Variants in SMIM8 observed in about 807,000 individuals in gnomAD.
The protein encoded by SMIM8 is UPF0708 protein C6orf162.
Under a neutral mutation model 8.1 loss-of-function variants are expected in SMIM8, and 8 were observed. That is an observed-to-expected ratio of 0.99 (90% confidence interval 0.58 to 1.78). SMIM8 has a LOEUF of 1.78. Ranked by LOEUF, SMIM8 falls within the 40% of genes most tolerant of loss-of-function variation. SMIM8 has a pLI of 0.00. For missense variants in SMIM8, 126 were observed against 119.8 expected (o/e 1.05, Z -0.24); for synonymous variants, 45 against 39.7 (o/e 1.13, Z -0.50).
At chr6:87,335,786 T>C (rs1243224573) in intron 2 of SMIM8, among the ~76,000 whole-genome samples, 1 of 149,610 alleles carries the variant, frequency 6.7e-6, no homozygotes, top group Non-Finnish European at 1.5e-5. Context: ...GAAGCAGGTT[T>C]GCTTTGTTGC....
chr6:87,335,282 C>A (rs1289334326), intron 2 of SMIM8, among the ~76,000 whole-genome samples: 2 of 152,140 alleles, frequency 1.3e-5, no homozygotes, highest in African/African-American at 2.4e-5. Context: ...TGTCTCAAAC[C>A]AGTTTAATTT....
intron 1 of SMIM8, among the ~76,000 whole-genome samples, chr6:87,327,456 A>G (rs910339020): frequency 1.3e-5 from 2 of 152,124 alleles, no homozygotes; most frequent in Non-Finnish European, 1.5e-5. Flanking sequence ...CCTGCTGGTC[A>G]CAAAATCTCT....
intron 1 of SMIM8, chr6:87,329,124 G>C (rs1316882725): frequency 6.5e-6 from 1 of 154,674 alleles, no homozygotes; most frequent in Non-Finnish European, 1.4e-5. Flanking sequence ...CACATGGTGC[G>C]CGCACCCACT....
chr6:87,333,018 G>C (rs934495287), intron 2 of SMIM8, among the ~76,000 whole-genome samples: 1 of 152,280 alleles, frequency 6.6e-6, no homozygotes, highest in South Asian at 2.1e-4. Flanking sequence ...TACTGAGGCT[G>C]GGCAATTTAT....
In SMIM8 at chr6:87,341,592, T is replaced by A. The variant is rs1777237294; in HGVS notation, c.*1318T>A. 1 of 306,628 alleles carries A rather than the reference T, an allele frequency of 3.3e-6. No individual in the cohort carries two copies. Among genetic ancestry groups the A allele is most frequent in the African/African-American group, 2.1e-5 (1 of 46,596 alleles). The allele number at this position is 306,628 out of a possible 1,614,324, so 19.0% of individuals were successfully genotyped here. A position where few individuals can be genotyped will look rare whatever the true frequency, so the allele number is the denominator to read the frequency against. On this transcript the variant is annotated 3_prime_UTR_variant, in exon 4 of 4. Transcript: ENST00000392863. ...CGCTATTAATATTACCAAGTAATAA[T>A]AACAGCACAGGCAGAGTTTATCATA... is the stretch of plus-strand genomic sequence containing the variant.
chr6:87,337,016 A>C lies in SMIM8; in HGVS notation c.-16A>C. On this transcript the variant is annotated 5_prime_UTR_variant, in exon 3 of 4. Coordinates refer to ENST00000392863, the MANE Select transcript of SMIM8 (RefSeq NM_001042493.3). ...ATATTATTTTGTTTTTAGATAATAA[A>C]TCATCATTGATCAAGATGTCTTCAG... 1 of 1,577,204 alleles carries C rather than the reference A, an allele frequency of 6.3e-7. No homozygotes were observed. The highest frequency in any genetic ancestry group is 8.6e-7 in the Non-Finnish European group (1 of 1,166,624).
rs550454950 is a variant in SMIM8, at chr6:87,341,784, A to G, written c.*1510A>G. 2 of 152,690 alleles carry G rather than the reference A, an allele frequency of 1.3e-5. No homozygotes were observed. The highest frequency in any genetic ancestry group is 1.9e-4 in the East Asian group (1 of 5,194). The allele number at this position is 152,690 out of a possible 1,614,324, so 9.5% of individuals were successfully genotyped here. Reference sequence around the variant, plus strand: ...ATATGTATTTGCTATGCCTGTCTGTATAATGTACTTCATATAGTTTAAAAT... The same window carrying G: ...ATATGTATTTGCTATGCCTGTCTGTGTAATGTACTTCATATAGTTTAAAAT... On this transcript the variant is annotated 3_prime_UTR_variant, in exon 4 of 4. Coordinates refer to ENST00000392863, the MANE Select transcript of SMIM8 (RefSeq NM_001042493.3).
At chr6:87,329,632 A>G (rs1445280216) in intron 1 of SMIM8, among the ~76,000 whole-genome samples, 4 of 152,238 alleles carry the variant, frequency 2.6e-5, no homozygotes, top group Admixed American at 2.6e-4. Context: ...CCTTAAAAAC[A>G]ACATATATAT....
intron 2 of SMIM8, among the ~76,000 whole-genome samples, chr6:87,335,096 G>C (rs1777078145): frequency 6.6e-6 from 1 of 152,194 alleles, no homozygotes; most frequent in Non-Finnish European, 1.5e-5. Flanking sequence ...AGCAACATGA[G>C]TAAGCCATTG....
At chr6:87,323,701 T>A (rs986464842) in intron 1 of SMIM8, among the ~76,000 whole-genome samples, 3 of 152,124 alleles carry the variant, frequency 2.0e-5, no homozygotes, top group African/African-American at 7.2e-5. Flanking sequence ...TGGTTCCAGG[T>A]CTTTGCTATT....
chr6:87,336,240 A>G (rs1777112064), intron 2 of SMIM8, among the ~76,000 whole-genome samples: 1 of 152,126 alleles, frequency 6.6e-6, no homozygotes, highest in Non-Finnish European at 1.5e-5. Context: ...ATTAGATGGC[A>G]GAGAGGATAA....
Position 87,340,449 on chromosome 6 carries a change from T to G in SMIM8, c.*175T>G. ...TTTGTCCTTTCACAGCTGCAGCCAT[T>G]ATCTCATTCTTTTTCCACAGAGTGA... On this transcript the variant is annotated 3_prime_UTR_variant, in exon 4 of 4. Coordinates refer to ENST00000392863, the MANE Select transcript of SMIM8 (RefSeq NM_001042493.3). The G allele has an allele frequency of 2.2e-6, 1 of 444,930 alleles. No individual in the cohort carries two copies. The highest frequency in any genetic ancestry group is 3.6e-6 in the Non-Finnish European group (1 of 274,106). The allele number at this position is 444,930 out of a possible 1,614,324, so 27.6% of individuals were successfully genotyped here. A position where few individuals can be genotyped will look rare whatever the true frequency, so the allele number is the denominator to read the frequency against.
At chr6:87,334,415 C>G (rs973538232) in intron 2 of SMIM8, among the ~76,000 whole-genome samples, 1 of 151,836 alleles carries the variant, frequency 6.6e-6, no homozygotes, top group Non-Finnish European at 1.5e-5. Context: ...ACAAAAATTG[C>G]TGGTTACAGC....
intron 1 of SMIM8, among the ~76,000 whole-genome samples, chr6:87,328,422 G>T (rs941221960): frequency 6.6e-6 from 1 of 152,020 alleles, no homozygotes; most frequent in Non-Finnish European, 1.5e-5. Flanking sequence ...ATGTACAGAT[G>T]GGTTTTTGGT....
chr6:87,337,015 A>C lies in SMIM8; in HGVS notation c.-17A>C, dbSNP rs760934633. 2.5e-6 allele frequency: 4 copies of C among 1,576,176 alleles called. No homozygotes were observed. Among genetic ancestry groups the C allele is most frequent in the Non-Finnish European group, 8.6e-7 (1 of 1,166,242 alleles). On this transcript the variant is annotated 5_prime_UTR_variant, in exon 3 of 4. Transcript: ENST00000392863. ...TATATTATTTTGTTTTTAGATAATA[A>C]ATCATCATTGATCAAGATGTCTTCA...
chr6:87,335,659 A>G (rs2127923761), intron 2 of SMIM8, among the ~76,000 whole-genome samples: 1 of 152,166 alleles, frequency 6.6e-6, no homozygotes, highest in African/African-American at 2.4e-5. Flanking sequence ...AGTTGTGAAA[A>G]TATTGATTTT....
intron 2 of SMIM8, among the ~76,000 whole-genome samples, chr6:87,336,637 A>G (rs1245749288): frequency 6.6e-6 from 1 of 152,082 alleles, no homozygotes; most frequent in Non-Finnish European, 1.5e-5. Flanking sequence ...AAAGGTGAGG[A>G]GGAGTGAAAG....
intron 1 of SMIM8, among the ~76,000 whole-genome samples, chr6:87,328,772 G>A (rs536358318): frequency 1.3e-5 from 2 of 152,180 alleles, no homozygotes; most frequent in East Asian, 1.9e-4. Context: ...AGCTGTGGTG[G>A]GCTCCACCCA....
intron 2 of SMIM8, among the ~76,000 whole-genome samples, chr6:87,336,015 A>G (rs1258460622): frequency 6.6e-6 from 1 of 152,102 alleles, no homozygotes; most frequent in Non-Finnish European, 1.5e-5. Context: ...CAATCGAGTA[A>G]GAAGACTGTC....
Sources: gnomAD v4.1 joint callset for allele counts (sites outside exome capture counted in the v4.1 genomes callset) on GRCh38, gnomAD v4.1.1 for gene constraint, MANE v1.5 for transcripts, NCBI Gene and HGNC (gene_info 2026-07-23, HGNC 2026-07-21) for gene names.